ADAMTS20: variants seen among roughly 807,000 people sequenced by gnomAD.
ADAMTS20 encodes the protein A disintegrin and metalloproteinase with thrombospondin motifs 20.
ADAMTS20 carries 225 observed loss-of-function variants against 260.1 expected under a neutral mutation model. That is an observed-to-expected ratio of 0.87 (90% CI 0.78 to 0.97). The LOEUF is 0.97. ADAMTS20 is among the 50% of genes least tolerant of loss of function. ADAMTS20 has a pLI of 0.00. For missense variants in ADAMTS20, 2,400 were observed against 2,337.7 expected (o/e 1.03, Z -0.55); for synonymous variants, 802 against 769.5 (o/e 1.04, Z -0.70).
chr12:43,420,797 C>CTCCTT (rs1941213382), intron 28 of ADAMTS20, among the ~76,000 whole-genome samples: 1 of 77,436 alleles, frequency 1.3e-5, no homozygotes, highest in East Asian at 9.8e-4. Context: ...CCTCCTCCTC[C>CTCCTT]TTCTTTTTTT....
chr12:43,446,273 A>G (rs1216624422), intron 15 of ADAMTS20, among the ~76,000 whole-genome samples: 2 of 152,184 alleles, frequency 1.3e-5, no homozygotes, highest in Non-Finnish European at 2.9e-5. Context: ...GTTATAGGGA[A>G]AAAACCATTT....
intron 16 of ADAMTS20, among the ~76,000 whole-genome samples, 151 bp from the exon 17 acceptor site, chr12:43,440,220 T>C (rs1180127607): frequency 2.0e-5 from 3 of 150,002 alleles, no homozygotes; most frequent in Non-Finnish European, 3.0e-5. Context: ...ATTGGCTCAC[T>C]GTAACCTTCG....
intron 14 of ADAMTS20, among the ~76,000 whole-genome samples, chr12:43,451,046 T>G (rs1205872457): frequency 2.0e-5 from 3 of 152,202 alleles, no homozygotes; most frequent in Non-Finnish European, 1.5e-5. Flanking sequence ...CATCAGTGGA[T>G]GCATGGATTT....
Position 43,537,663 on chromosome 12 carries a change from C to T in ADAMTS20, c.454-5468G>A, listed in dbSNP as rs275378. On this transcript the variant is annotated intron_variant, in intron 2 of 38. Coordinates refer to ENST00000389420, the MANE Select transcript of ADAMTS20 (RefSeq NM_025003.5). ...ACCATCCCCACCTCTCCCCACCCCACACACCCTCTCTCTATCCTTCCCAGC... is the reference window on the plus strand; with the variant it reads ...ACCATCCCCACCTCTCCCCACCCCATACACCCTCTCTCTATCCTTCCCAGC... 4.2e-3 allele frequency among the ~76,000 whole-genome samples: 632 copies of T among 152,234 alleles called. 5 individuals are homozygous for T. Among genetic ancestry groups the T allele is most frequent in the Non-Finnish European group, 7.4e-3 (505 of 68,008 alleles).
intron 3 of ADAMTS20, among the ~76,000 whole-genome samples, chr12:43,520,309 TG>T (rs1484007258): frequency 1.3e-5 from 2 of 152,186 alleles, no homozygotes; most frequent in African/African-American, 4.8e-5. Flanking sequence ...CATTTAAATT[TG>T]TAGTTAAAAT....
At chr12:43,458,458 TGTC>T (rs1254149942) in intron 11 of ADAMTS20, among the ~76,000 whole-genome samples, 1 of 152,254 alleles carries the variant, frequency 6.6e-6, no homozygotes, top group East Asian at 1.9e-4. Context: ...CCAGCTAAAA[TGTC>T]CTCCTTGCTC....
intron 18 of ADAMTS20, among the ~76,000 whole-genome samples, chr12:43,439,014 A>G (rs1055549970): frequency 6.6e-6 from 1 of 152,208 alleles, no homozygotes; most frequent in Non-Finnish European, 1.5e-5. Context: ...CTCAATAAAT[A>G]TGTACTGCAT....
chr12:43,408,199 G>A (rs1001542611), intron 28 of ADAMTS20, among the ~76,000 whole-genome samples: 19 of 152,122 alleles, frequency 1.2e-4, no homozygotes, highest in African/African-American at 4.3e-4. Context: ...GAAAGAATGT[G>A]TGCCACATTC....
intron 7 of ADAMTS20, among the ~76,000 whole-genome samples, chr12:43,479,827 A>G (rs1480017423): frequency 6.6e-6 from 1 of 152,114 alleles, no homozygotes; most frequent in Non-Finnish European, 1.5e-5. Context: ...GACAACAAAG[A>G]GCAGACATTC....
intron 4 of ADAMTS20, among the ~76,000 whole-genome samples, chr12:43,501,479 G>GTGCACACACACACA (rs1942763482): frequency 1.2e-4 from 8 of 67,052 alleles, no homozygotes; most frequent in African/African-American, 3.0e-4. Flanking sequence ...GCGCGCGCGC[G>GTGCACACACACACA]CGCACACACA....
At chr12:43,537,258 T>A (rs1943309037) in intron 2 of ADAMTS20, among the ~76,000 whole-genome samples, 1 of 151,882 alleles carries the variant, frequency 6.6e-6, no homozygotes, top group Non-Finnish European at 1.5e-5. Flanking sequence ...TTTCACTATG[T>A]TGCCCAGGCT....
rs915166073 is a variant in ADAMTS20 at position 43,412,415 on chromosome 12, G to A, written c.4284+13099C>T. Among the ~76,000 whole-genome samples the A allele has an allele frequency of 3.8e-4, 58 of 152,288 alleles. 1 individual carries two copies. The highest frequency in any genetic ancestry group is 2.0e-4 in the Admixed American group (3 of 15,294). ...ATGCAATCTACTTTATCTGAATGGC[G>A]CAGAGTTGAATGATCTTTAGTCCCA... On this transcript the variant is annotated intron_variant, in intron 28 of 38. Coordinates refer to ENST00000389420, the MANE Select transcript of ADAMTS20 (RefSeq NM_025003.5).
chr12:43,407,673 T>C (rs1250437378), intron 28 of ADAMTS20, among the ~76,000 whole-genome samples: 1 of 152,096 alleles, frequency 6.6e-6, no homozygotes, highest in Non-Finnish European at 1.5e-5. Flanking sequence ...GAAATCATCC[T>C]AGTGAGTGAG....
At chr12:43,505,953 T>C (rs1942834683) in intron 3 of ADAMTS20, among the ~76,000 whole-genome samples, 1 of 152,130 alleles carries the variant, frequency 6.6e-6, no homozygotes, top group Non-Finnish European at 1.5e-5. Flanking sequence ...CAATGAAATA[T>C]TATTCAGTAT....
chr12:43,521,301 C>T (rs563877618), intron 3 of ADAMTS20, among the ~76,000 whole-genome samples: 1 of 152,282 alleles, frequency 6.6e-6, no homozygotes, highest in South Asian at 2.1e-4. Flanking sequence ...CCCTGGACTT[C>T]CTCCAGACCA....
rs553593950 is a variant in ADAMTS20 at position 43,492,419 on chromosome 12, C to A, written c.1076+86G>T. On this transcript the variant is annotated intron_variant, in intron 6 of 38. Transcript: ENST00000389420. ...AAGAAAAAGAAAAACAAAAACAAAA[C>A]AAAAAAAAGAATTAAGAAGAAGTAT... 1,194 of 1,395,282 alleles carry A rather than the reference C, an allele frequency of 8.6e-4. 1 individual carries two copies. The highest frequency in any genetic ancestry group is 1.0e-3 in the Non-Finnish European group (1,061 of 1,035,144). The allele number at this position is 1,395,282 out of a possible 1,614,324, so 86.4% of individuals were successfully genotyped here. A position where few individuals can be genotyped will look rare whatever the true frequency, so the allele number is the denominator to read the frequency against.
In ADAMTS20 at chr12:43,481,937, G is replaced by A. The variant is rs1055971087; in HGVS notation, c.1117+8458C>T. On this transcript the variant is annotated intron_variant, in intron 7 of 38. Transcript: ENST00000389420. ...CATCATGAACCAGACGGAAAATGGA[G>A]CCTCCCAAGGGTGAATTGGGGAGAG... Among the ~76,000 whole-genome samples the A allele has an allele frequency of 2.6e-5, 4 of 152,154 alleles. No homozygotes were observed. The East Asian group carries it at 5.8e-4, about 22-fold the overall frequency.
chr12:43,452,952 A>G (rs952359505), intron 12 of ADAMTS20, among the ~76,000 whole-genome samples: 5 of 152,176 alleles, frequency 3.3e-5, no homozygotes, highest in South Asian at 2.1e-4. Flanking sequence ...CAAGAAACCA[A>G]CAATGGAAGT....
intron 29 of ADAMTS20, among the ~76,000 whole-genome samples, chr12:43,385,554 T>C (rs7962608): frequency 0.41 from 62,398 of 151,982 alleles, 14,374 homozygotes; most frequent in East Asian, 0.89. Context: ...ATTTCCTAGG[T>C]TTTCTTTTAG....
Sources: gnomAD v4.1 joint callset for allele counts (sites outside exome capture counted in the v4.1 genomes callset) on GRCh38, gnomAD v4.1.1 for gene constraint, MANE v1.5 for transcripts, NCBI Gene and HGNC (gene_info 2026-07-23, HGNC 2026-07-21) for gene names.